NTSR1: variants seen among roughly 807,000 people sequenced by gnomAD.
NTSR1 encodes the protein neurotensin receptor type 1.
NTSR1 carries 29 observed loss-of-function variants against 31.2 expected under a neutral mutation model. That is an observed-to-expected ratio of 0.93 (90% confidence interval 0.69 to 1.27). The LOEUF (loss-of-function observed/expected upper bound fraction) is 1.27, where lower values mean the gene tolerates loss of function less well. Ranked by LOEUF, NTSR1 falls within the 50% of genes most tolerant of loss-of-function variation. The pLI, the probability that NTSR1 is intolerant of heterozygous loss-of-function variation, is 0.00. For synonymous variants in NTSR1, 282 were observed against 269.9 expected (o/e 1.04, Z -0.44); for missense variants, 697 against 595.4 (o/e 1.17, Z -1.78).
intron 1 of NTSR1, among the ~76,000 whole-genome samples, chr20:62,752,550 C>T (rs1386329705): frequency 6.6e-6 from 1 of 152,234 alleles, no homozygotes; most frequent in African/African-American, 2.4e-5. Context: ...CCTCTGGAAA[C>T]GGCAGGATCC....
chr20:62,735,904 A>G (rs947971335), intron 1 of NTSR1, among the ~76,000 whole-genome samples: 5 of 152,222 alleles, frequency 3.3e-5, no homozygotes, highest in African/African-American at 9.6e-5. Context: ...TTACCCTCCA[A>G]TTCCTCACGG....
intron 1 of NTSR1, among the ~76,000 whole-genome samples, chr20:62,746,424 G>T (rs1989302588): frequency 6.6e-6 from 1 of 152,164 alleles, no homozygotes; most frequent in Non-Finnish European, 1.5e-5. Flanking sequence ...TTCTTTCAGT[G>T]GTCTCTCCTC....
chr20:62,734,779 A>C (rs6010611), intron 1 of NTSR1, among the ~76,000 whole-genome samples: 16,040 of 152,258 alleles, frequency 0.11, 2,048 homozygotes, highest in East Asian at 0.31. Flanking sequence ...TACCGTTGCA[A>C]GTTGATATGA....
rs2427428 is a variant in NTSR1 at position 62,732,781 on chromosome 20, T to C, written c.715-21904T>C. On this transcript the variant is annotated intron_variant, in intron 1 of 3. Transcript: ENST00000370501. This position sits in a 1 kb window ranked among gnomAD's most constrained non-coding sequence, Gnocchi z 4.0. ...CCTGGAAGAGACTGTAGAGAGTATC[T>C]ATCATCTGTTCCTTAAATGCAAGGT... 47,836 of 152,024 alleles carry C rather than the reference T, an allele frequency of 0.31. 7,822 individuals are homozygous for C. Among genetic ancestry groups the C allele is most frequent in the Middle Eastern group, 0.41 (120 of 294 alleles). 9.4% of individuals were successfully genotyped at this position (152,024 alleles called of 1,614,324 possible). A position where few individuals can be genotyped will look rare whatever the true frequency, so the allele number is the denominator to read the frequency against.
In NTSR1 at chr20:62,760,260, T is replaced by C. The variant is rs1989595147; in HGVS notation, c.1250T>C (p.Leu417Pro). ...TLSSNATRET[L>P]Y ...TCCAGCAATGCCACCCGCGAGACGC[T>C]GTACTAGGCTGTGCGCCCCGGAACG... Residue 417 changes from leucine to proline, a missense_variant, in exon 4 of 4, where the codon CTG (leucine) becomes CCG (proline). Coordinates refer to ENST00000370501, the MANE Select transcript of NTSR1 (RefSeq NM_002531.3). 1 of 1,606,476 alleles carries C rather than the reference T, an allele frequency of 6.2e-7. No individual in the cohort carries two copies. Among genetic ancestry groups the C allele is most frequent in the South Asian group, 1.1e-5 (1 of 90,800 alleles).
rs1363662227 is a variant in NTSR1 at position 62,733,923 on chromosome 20, A to G, written c.715-20762A>G. 6.6e-6 allele frequency among the ~76,000 whole-genome samples: 1 copy of G among 152,190 alleles called. No individual in the cohort carries two copies. Among genetic ancestry groups the G allele is most frequent in the East Asian group, 1.9e-4 (1 of 5,196 alleles). ...TGTATGATTGCTACTTTATCTCAAT[A>G]GAGGATTCGAACAGCCCCCAGGCAG... On this transcript the variant is annotated intron_variant, in intron 1 of 3. Transcript: ENST00000370501. This position sits in a 1 kb window ranked among gnomAD's most constrained non-coding sequence, Gnocchi z 5.2.
intron 1 of NTSR1, 80 bp downstream of exon 1, chr20:62,710,001 G>A: frequency 8.6e-7 from 1 of 1,166,754 alleles, no homozygotes; most frequent in South Asian, 1.6e-5. Context: ...TCTGGGTAGG[G>A]AGTGGGAGAG....
At chr20:62,755,272 CCT>C (rs891518153) in intron 2 of NTSR1, among the ~76,000 whole-genome samples, 2 of 137,004 alleles carry the variant, frequency 1.5e-5, no homozygotes, top group Non-Finnish European at 3.2e-5. Flanking sequence ...TCCATCCATC[CCT>C]CTCTCCCTCC....
rs1230703486 is a variant in NTSR1 at position 62,762,554 on chromosome 20, G to C, written c.*2287G>C. Reference sequence around the variant, plus strand: ...AGACACACCCACGACACCTGATCTCGTATCACTAGCTTGCGGCCAGGTCAT... The same window carrying C: ...AGACACACCCACGACACCTGATCTCCTATCACTAGCTTGCGGCCAGGTCAT... On this transcript the variant is annotated 3_prime_UTR_variant, in exon 4 of 4. Coordinates refer to ENST00000370501, the MANE Select transcript of NTSR1 (RefSeq NM_002531.3). 1 of 152,108 alleles carries C rather than the reference G, an allele frequency of 6.6e-6. No individual in the cohort carries two copies. Among genetic ancestry groups the C allele is most frequent in the Non-Finnish European group, 1.5e-5 (1 of 68,030 alleles). 9.4% of individuals were successfully genotyped at this position (152,108 alleles called of 1,614,324 possible).
chr20:62,736,698 A>G (rs1056552989), intron 1 of NTSR1, among the ~76,000 whole-genome samples: 4 of 152,076 alleles, frequency 2.6e-5, no homozygotes, highest in Non-Finnish European at 5.9e-5. Flanking sequence ...TTACTGCTTC[A>G]TTTTCCATCT....
At position 62,742,285 on chromosome 20, in the gene NTSR1, T is replaced by C. The variant is rs568380164; in HGVS notation, c.715-12400T>C. The stretch of plus-strand genomic sequence containing the variant: ...CTCAGGGACTCAGAAATGCTGGCGT[T>C]CCAGGAGGTGGTGTGTGGGCTCCTC... On this transcript the variant is annotated intron_variant, in intron 1 of 3. Transcript: ENST00000370501. This position sits in a 1 kb window ranked among gnomAD's most constrained non-coding sequence, Gnocchi z 7.1. 6.7e-6 allele frequency among the ~76,000 whole-genome samples: 1 copy of C among 149,290 alleles called. No individual in the cohort carries two copies. The highest frequency in any genetic ancestry group is 2.1e-4 in the South Asian group (1 of 4,740).
intron 1 of NTSR1, among the ~76,000 whole-genome samples, chr20:62,717,425 G>T (rs1234452424): frequency 6.6e-6 from 1 of 152,190 alleles, no homozygotes; most frequent in Admixed American, 6.5e-5. Context: ...TGGCTGGCTT[G>T]CCAGAACCCA....
In NTSR1 at chr20:62,743,846, G is replaced by C. The variant is rs551384577; in HGVS notation, c.715-10839G>C. ...TGCCTGAGGTCGAGGGGCTGAGGCC[G>C]GCTGTCTGGAGCCTGTGTCGGGGGC... On this transcript the variant is annotated intron_variant, in intron 1 of 3. Transcript: ENST00000370501. This position sits in a 1 kb window ranked among gnomAD's most constrained non-coding sequence, Gnocchi z 7.5. Among the ~76,000 whole-genome samples, 115 of 152,196 alleles carry C rather than the reference G, an allele frequency of 7.6e-4. No homozygotes were observed. Among genetic ancestry groups the C allele is most frequent in the Non-Finnish European group, 1.4e-3 (94 of 67,998 alleles).
Position 62,709,385 on chromosome 20 carries a change from A to G in NTSR1, c.178A>G (p.Ile60Val). ...CAGCGAGCTGGACGTGAACACCGACATCTACTCCAAGGTGCTGGTGACCGC... is the reference window on the plus strand; with the variant it reads ...CAGCGAGCTGGACGTGAACACCGACGTCTACTCCAAGGTGCTGGTGACCGC... ...PSSELDVNTDIYSKVLVTAVY... is the reference protein window; with the variant it reads ...PSSELDVNTDVYSKVLVTAVY... Residue 60 changes from isoleucine to valine, a missense_variant, in exon 1 of 4, where the codon ATC (isoleucine) becomes GTC (valine). Transcript: ENST00000370501. The G allele has an allele frequency of 6.2e-7, 1 of 1,608,914 alleles. No homozygotes were observed. Among genetic ancestry groups the G allele is most frequent in the Middle Eastern group, 1.7e-4 (1 of 6,048 alleles).
At chr20:62,717,479 G>A (rs937488522) in intron 1 of NTSR1, among the ~76,000 whole-genome samples, 2 of 152,198 alleles carry the variant, frequency 1.3e-5, no homozygotes, top group Non-Finnish European at 2.9e-5. Flanking sequence ...CACGACTCTG[G>A]GCAAATGGTG....
rs1029072515 is a variant in NTSR1 at position 62,741,178 on chromosome 20, G to A, written c.715-13507G>A. ...CTCTGGGCTAAGTCAGGGGTCTCCC[G>A]GCAGCCAGGCTGCTAAGTCAGGGGT... is the stretch of plus-strand genomic sequence containing the variant. On this transcript the variant is annotated intron_variant, in intron 1 of 3. Transcript: ENST00000370501. The surrounding 1 kb of genome is among the most constrained non-coding windows in gnomAD (Gnocchi z 4.3). Among the ~76,000 whole-genome samples, 3 of 150,602 alleles carry A rather than the reference G, an allele frequency of 2.0e-5. No individual in the cohort carries two copies. The highest frequency in any genetic ancestry group is 4.5e-5 in the Non-Finnish European group (3 of 67,064).
intron 1 of NTSR1, among the ~76,000 whole-genome samples, chr20:62,717,843 G>A (rs764380942): frequency 2.0e-5 from 3 of 152,148 alleles, no homozygotes; most frequent in Admixed American, 6.5e-5. Flanking sequence ...TTGAACTCAC[G>A]TCCCATCAGA....
intron 1 of NTSR1, among the ~76,000 whole-genome samples, chr20:62,724,145 C>T (rs1317696573): frequency 6.6e-6 from 1 of 152,216 alleles, no homozygotes; most frequent in Non-Finnish European, 1.5e-5. Context: ...CAAAGTGGCC[C>T]AAACTCTCAG....
intron 1 of NTSR1, among the ~76,000 whole-genome samples, chr20:62,713,089 G>A (rs372070263): frequency 3.9e-5 from 6 of 152,126 alleles, no homozygotes; most frequent in Admixed American, 2.0e-4. Flanking sequence ...GGCCACACAC[G>A]AAAGCAAACC....
Sources: gnomAD v4.1 joint callset for allele counts (sites outside exome capture counted in the v4.1 genomes callset) on GRCh38, gnomAD v4.1.1 for gene constraint, Gnocchi (gnomAD v3.1) non-coding constraint, MANE v1.5 for transcripts, NCBI Gene and HGNC (gene_info 2026-07-23, HGNC 2026-07-21) for gene names.